Variants in SPON1 observed in about 807,000 individuals in gnomAD.
SPON1 encodes spondin-1.
In SPON1, 52 loss-of-function variants were observed where a neutral mutation model predicts 111.7. The ratio of observed to expected loss-of-function variants is 0.47; its 90% CI spans 0.37 to 0.59. The LOEUF is 0.59. Among genes scored for constraint, SPON1 ranks in the 20% least tolerant of loss-of-function variants. The pLI is 0.00. For synonymous variants in SPON1, 410 were observed against 395.8 expected (o/e 1.04, Z -0.43); for missense variants, 957 against 1,068.5 (o/e 0.90, Z 1.46).
intron 6 of SPON1, among the ~76,000 whole-genome samples, chr11:14,143,630 G>A (rs1847683438): frequency 6.6e-6 from 1 of 152,090 alleles, no homozygotes; most frequent in Non-Finnish European, 1.5e-5. Context: ...AGCAGTGGAT[G>A]GGCAAGAATT....
intron 5 of SPON1, among the ~76,000 whole-genome samples, chr11:14,127,018 C>T (rs1269666550): frequency 1.3e-5 from 2 of 152,174 alleles, no homozygotes; most frequent in Admixed American, 6.5e-5. Context: ...TCCCCAATCA[C>T]CCAATCAGAT....
chr11:14,200,208 C>T (rs1292242004), intron 6 of SPON1, among the ~76,000 whole-genome samples: 2 of 152,150 alleles, frequency 1.3e-5, no homozygotes, highest in South Asian at 2.1e-4. Flanking sequence ...ATAGAGTGTT[C>T]AAGTTTATAG....
At chr11:14,213,929 A>C (rs1848601711) in intron 6 of SPON1, among the ~76,000 whole-genome samples, 1 of 152,202 alleles carries the variant, frequency 6.6e-6, no homozygotes. Flanking sequence ...GTCAGCAAAC[A>C]CAAGCAACTA....
chr11:13,984,915 T>C (rs1848170872), intron 2 of SPON1, among the ~76,000 whole-genome samples: 2 of 152,204 alleles, frequency 1.3e-5, no homozygotes. Flanking sequence ...TGAACTCCTA[T>C]CTCTGTATGC....
At chr11:14,106,035 G>T (rs1849181966) in intron 5 of SPON1, among the ~76,000 whole-genome samples, 1 of 152,134 alleles carries the variant, frequency 6.6e-6, no homozygotes, top group Non-Finnish European at 1.5e-5. Context: ...TCTCATTTAT[G>T]TAGCTTAAGT....
chr11:14,197,244 T>A (rs1030485481), intron 6 of SPON1, among the ~76,000 whole-genome samples: 1 of 152,202 alleles, frequency 6.6e-6, no homozygotes, highest in Non-Finnish European at 1.5e-5. Flanking sequence ...TTTCTCCAGC[T>A]GTCAGTTCAA....
intron 6 of SPON1, among the ~76,000 whole-genome samples, chr11:14,211,140 C>A (rs1463499132): frequency 3.3e-5 from 5 of 151,898 alleles, no homozygotes; most frequent in East Asian, 1.9e-4. Context: ...GGCAATCAGG[C>A]AAGAGAAAGA....
In SPON1 at chr11:14,253,057, G is replaced by A. The variant is rs546696271; in HGVS notation, c.891-1471G>A. Among the ~76,000 whole-genome samples the A allele has an allele frequency of 5.3e-4, 80 of 152,334 alleles. 1 individual carries two copies. Among genetic ancestry groups the A allele is most frequent in the Admixed American group, 4.8e-3 (73 of 15,300 alleles). On this transcript the variant is annotated intron_variant, in intron 7 of 15. Transcript: ENST00000576479. ...CCTGCAGGTAGACTGGCCTGTCAGG[G>A]CCCAGGGAGCTTCTTAGGTAGCAGG...
chr11:14,041,444 G>A, intron 2 of SPON1, 77 bp from the exon 3 acceptor site: 1 of 1,531,330 alleles, frequency 6.5e-7, no homozygotes, highest in South Asian at 1.2e-5. Context: ...ATAAAGTTAA[G>A]GAAGTACCAA....
chr11:14,038,306 A>C (rs1371418849), intron 2 of SPON1, among the ~76,000 whole-genome samples: 1 of 152,036 alleles, frequency 6.6e-6, no homozygotes, highest in Non-Finnish European at 1.5e-5. Flanking sequence ...TCTCTACTAA[A>C]AATACAAAAA....
chr11:14,135,606 A>G lies in SPON1; in HGVS notation c.825+38A>G, dbSNP rs782186504. ...AATCACAGAATGACCAAATAACAGA[A>G]ATGCAGTCAAAGCACTCCTTAGATA... is the stretch of plus-strand genomic sequence containing the variant. On this transcript the variant is annotated intron_variant, in intron 6 of 15. Coordinates refer to ENST00000576479, the MANE Select transcript of SPON1 (RefSeq NM_006108.4). This position sits in a 1 kb window ranked among gnomAD's most constrained non-coding sequence, Gnocchi z 4.4. 2 of 1,599,230 alleles carry G rather than the reference A, an allele frequency of 1.3e-6. No homozygotes were observed. Among genetic ancestry groups the G allele is most frequent in the South Asian group, 2.2e-5 (2 of 89,596 alleles).
intron 6 of SPON1, among the ~76,000 whole-genome samples, chr11:14,197,520 T>TAAATAAATAAACAAAC (rs1554935216): frequency 7.4e-6 from 1 of 135,372 alleles, no homozygotes; most frequent in African/African-American, 2.8e-5. Context: ...AATAAATAAA[T>TAAATAAATAAACAAAC]AAACAAGTGG....
chr11:14,041,003 T>C (rs899486887), intron 2 of SPON1, among the ~76,000 whole-genome samples: 1 of 152,206 alleles, frequency 6.6e-6, no homozygotes, highest in African/African-American at 2.4e-5. Context: ...GGGAGAATAC[T>C]GATTAGTAAA....
intron 7 of SPON1, among the ~76,000 whole-genome samples, chr11:14,250,662 G>A (rs1554940605): frequency 6.6e-6 from 1 of 152,090 alleles, no homozygotes; most frequent in Non-Finnish European, 1.5e-5. Flanking sequence ...TAAGTCCCAG[G>A]TAGAAAGATG....
intron 2 of SPON1, among the ~76,000 whole-genome samples, chr11:14,013,493 A>G (rs1554913951): frequency 6.6e-6 from 1 of 152,204 alleles, no homozygotes; most frequent in Non-Finnish European, 1.5e-5. Flanking sequence ...GGAGTTAAGG[A>G]GCTTATTTCC....
At chr11:14,200,938 C>T (rs1848455628) in intron 6 of SPON1, among the ~76,000 whole-genome samples, 1 of 148,708 alleles carries the variant, frequency 6.7e-6, no homozygotes, top group South Asian at 2.2e-4. Context: ...TGAAGTGAAA[C>T]AGACCTGTGT....
chr11:14,010,995 CT>C (rs1237298820), intron 2 of SPON1, among the ~76,000 whole-genome samples: 2 of 152,190 alleles, frequency 1.3e-5, no homozygotes, highest in African/African-American at 2.4e-5. Flanking sequence ...ACATTCCCCG[CT>C]TTTTTTCTTT....
At chr11:14,263,085 GTC>G (rs1285738490) in intron 15 of SPON1, 110 bp downstream of exon 15, 15 of 1,187,730 alleles carry the variant, frequency 1.3e-5, no homozygotes, top group Non-Finnish European at 1.7e-5. Flanking sequence ...GTCGGGGAGA[GTC>G]TGCATCTTCT....
At chr11:14,092,490 TG>T (rs1386773700) in intron 5 of SPON1, among the ~76,000 whole-genome samples, 1 of 152,126 alleles carries the variant, frequency 6.6e-6, no homozygotes, top group East Asian at 1.9e-4. Context: ...ATAGGAAGGA[TG>T]GGGCAATACC....
Sources: allele counts gnomAD v4.1 joint callset (sites outside exome capture counted in the v4.1 genomes callset), GRCh38; gene constraint gnomAD v4.1.1; non-coding constraint Gnocchi (gnomAD v3.1); transcripts MANE v1.5; gene names NCBI Gene and HGNC (gene_info 2026-07-23, HGNC 2026-07-21).